CFAP299: variants seen among roughly 807,000 people sequenced by gnomAD.
The protein encoded by CFAP299 is cilia- and flagella-associated protein 299.
Under a neutral mutation model 27.0 loss-of-function variants are expected in CFAP299, and 21 were observed. That is an observed-to-expected ratio of 0.78 (90% confidence interval 0.55 to 1.12). The LOEUF (loss-of-function observed/expected upper bound fraction) is 1.12. Among genes scored for constraint, CFAP299 ranks in the 50% most tolerant of loss-of-function variants. CFAP299 has a pLI of 0.00. For synonymous variants in CFAP299, 104 were observed against 98.1 expected, an observed-to-expected ratio of 1.06 and a Z score of -0.36; for missense variants, 310 against 276.6, an observed-to-expected ratio of 1.12 and a Z score of -0.86.
At chr4:80,667,742 T>G (rs112785587) in intron 3 of CFAP299, among the ~76,000 whole-genome samples, 2 of 152,158 alleles carry the variant, frequency 1.3e-5, no homozygotes, top group African/African-American at 4.8e-5. Flanking sequence ...CTTAGGTTGA[T>G]TCTATATTTT....
chr4:80,788,864 G>C (rs1727392438), intron 3 of CFAP299, among the ~76,000 whole-genome samples: 1 of 151,996 alleles, frequency 6.6e-6, no homozygotes. Context: ...AAGTGGTTTA[G>C]GGTTAGACAA....
At chr4:80,504,019 G>T (rs1364655969) in intron 2 of CFAP299, among the ~76,000 whole-genome samples, 1 of 151,956 alleles carries the variant, frequency 6.6e-6, no homozygotes, top group Non-Finnish European at 1.5e-5. Flanking sequence ...TTTATAGGAT[G>T]GTACTTTAAT....
chr4:80,858,859 G>C (rs1475497753), intron 3 of CFAP299, among the ~76,000 whole-genome samples: 1 of 152,082 alleles, frequency 6.6e-6, no homozygotes, highest in Non-Finnish European at 1.5e-5. Context: ...TAGGTGTGGT[G>C]TGGTGCTGAA....
chr4:80,767,868 A>T (rs993292492), intron 3 of CFAP299, among the ~76,000 whole-genome samples: 7 of 151,908 alleles, frequency 4.6e-5, no homozygotes, highest in African/African-American at 1.7e-4. Flanking sequence ...ATCAAACACA[A>T]CTCTCCTTTA....
chr4:80,958,951 G>C (rs1445971002), intron 5 of CFAP299, among the ~76,000 whole-genome samples: 2 of 152,144 alleles, frequency 1.3e-5, no homozygotes, highest in Non-Finnish European at 2.9e-5. Context: ...GAGTAAAACA[G>C]TACTATCAAT....
At chr4:80,606,003 C>G (rs1285179395) in intron 3 of CFAP299, among the ~76,000 whole-genome samples, 1 of 152,112 alleles carries the variant, frequency 6.6e-6, no homozygotes, top group Non-Finnish European at 1.5e-5. Context: ...GACCAGCTTG[C>G]CTTTCTTTTG....
At position 80,763,066 on chromosome 4, in the gene CFAP299, C is replaced by A. The variant is rs543443903; in HGVS notation, c.334-106927C>A. 2.0e-5 allele frequency among the ~76,000 whole-genome samples: 3 copies of A among 152,230 alleles called. No homozygotes were observed. The East Asian group carries it at 5.8e-4, about 29-fold the overall frequency. ...CAGCAAACTCAGTCTATGATATGTA[C>A]CCTCTGTAAAAGAGTGAGCTAGAAA... On this transcript the variant is annotated intron_variant, in intron 3 of 5. Transcript: ENST00000358105.
chr4:80,941,963 T>C (rs1270597325), intron 4 of CFAP299, among the ~76,000 whole-genome samples: 1 of 152,072 alleles, frequency 6.6e-6, no homozygotes, highest in Non-Finnish European at 1.5e-5. Flanking sequence ...CCTCCAACAT[T>C]GGGGATTACA....
intron 4 of CFAP299, among the ~76,000 whole-genome samples, chr4:80,935,563 G>A (rs1337045815): frequency 6.6e-6 from 1 of 151,806 alleles, no homozygotes; most frequent in African/African-American, 2.4e-5. Flanking sequence ...TACTAAAATC[G>A]ACTCTAATTG....
At chr4:80,840,523 T>A (rs1317654447) in intron 3 of CFAP299, among the ~76,000 whole-genome samples, 3 of 152,092 alleles carry the variant, frequency 2.0e-5, no homozygotes, top group African/African-American at 7.2e-5. Context: ...TATCTTCAGA[T>A]CACAATTTTC....
At chr4:80,931,748 G>GCA (rs1560481955) in intron 4 of CFAP299, among the ~76,000 whole-genome samples, 1 of 151,044 alleles carries the variant, frequency 6.6e-6, no homozygotes, top group East Asian at 2.0e-4. Flanking sequence ...ACGCACACAC[G>GCA]CACACACACA....
chr4:80,529,789 TAGTC>T (rs1319478138), intron 2 of CFAP299, among the ~76,000 whole-genome samples: 1 of 151,886 alleles, frequency 6.6e-6, no homozygotes, highest in African/African-American at 2.4e-5. Flanking sequence ...AAGGAAAAGG[TAGTC>T]AGAGAGAGGA....
At chr4:80,697,539 A>G (rs1721184732) in intron 3 of CFAP299, among the ~76,000 whole-genome samples, 1 of 152,214 alleles carries the variant, frequency 6.6e-6, no homozygotes, top group Admixed American at 6.5e-5. Flanking sequence ...AGTGAGAATC[A>G]ATTGTTCTTA....
chr4:80,939,746 G>T (rs1334084510), intron 4 of CFAP299, among the ~76,000 whole-genome samples: 2 of 152,102 alleles, frequency 1.3e-5, no homozygotes, highest in Non-Finnish European at 1.5e-5. Flanking sequence ...GTTGAAAGAA[G>T]CAGTCACATT....
intron 3 of CFAP299, among the ~76,000 whole-genome samples, chr4:80,804,910 A>G (rs72879973): frequency 0.011 from 1,627 of 151,998 alleles, 29 homozygotes; most frequent in African/African-American, 0.037. Flanking sequence ...TCATTTTGTT[A>G]TGTGTTTTGT....
At chr4:80,922,881 T>G (rs372845230) in intron 4 of CFAP299, among the ~76,000 whole-genome samples, 1 of 149,508 alleles carries the variant, frequency 6.7e-6, no homozygotes, top group Non-Finnish European at 1.5e-5. Flanking sequence ...ATAAATATAA[T>G]CTATACATAC....
At chr4:80,591,551 G>A (rs1736793774) in intron 3 of CFAP299, among the ~76,000 whole-genome samples, 1 of 152,062 alleles carries the variant, frequency 6.6e-6, no homozygotes, top group Non-Finnish European at 1.5e-5. Flanking sequence ...GTGCCCTAGA[G>A]ACCATGGATG....
chr4:80,821,755 C>T (rs1206489217), intron 3 of CFAP299, among the ~76,000 whole-genome samples: 2 of 152,154 alleles, frequency 1.3e-5, no homozygotes, highest in East Asian at 1.9e-4. Context: ...TCCCTGTACA[C>T]AGCACACGAA....
At chr4:80,385,230 A>G (rs934044280) in intron 2 of CFAP299, among the ~76,000 whole-genome samples, 3 of 152,086 alleles carry the variant, frequency 2.0e-5, no homozygotes, top group Non-Finnish European at 4.4e-5. Flanking sequence ...ACCTTCACCA[A>G]TGTCTCATTT....
Sources: allele counts gnomAD v4.1 joint callset (sites outside exome capture counted in the v4.1 genomes callset), GRCh38; gene constraint gnomAD v4.1.1; transcripts MANE v1.5; gene names NCBI Gene and HGNC (gene_info 2026-07-23, HGNC 2026-07-21).